SLC25A21: variants seen among roughly 807,000 people sequenced by gnomAD.
SLC25A21 encodes the protein solute carrier family 25 member 21, also known as mitochondrial 2-oxodicarboxylate carrier.
SLC25A21 carries 47 observed loss-of-function variants against 43.8 expected under a neutral mutation model. That is an observed-to-expected ratio of 1.07 (90% CI 0.85 to 1.37). The LOEUF is 1.37. SLC25A21 is among the 40% of genes most tolerant of loss of function. The probability of loss-of-function intolerance (pLI) is 0.00; values close to 1 mark genes in which losing one functional copy is unlikely to be tolerated. For synonymous variants in SLC25A21, 131 were observed against 121.3 expected (o/e 1.08, Z -0.52); for missense variants, 352 against 350.2 (o/e 1.00, Z -0.04).
intron 3 of SLC25A21, among the ~76,000 whole-genome samples, chr14:36,767,754 T>G (rs550672279): frequency 6.6e-6 from 1 of 152,292 alleles, no homozygotes; most frequent in South Asian, 2.1e-4. Context: ...CAGGCTCTAT[T>G]GTAACTAAGC....
At chr14:36,701,291 T>C (rs1029956284) in intron 7 of SLC25A21, among the ~76,000 whole-genome samples, 9 of 152,216 alleles carry the variant, frequency 5.9e-5, no homozygotes, top group African/African-American at 2.2e-4. Flanking sequence ...TCATGCGAGA[T>C]AATTTAGGGA....
intron 1 of SLC25A21, among the ~76,000 whole-genome samples, chr14:37,073,450 C>T (rs1004926625): frequency 6.6e-6 from 1 of 152,152 alleles, no homozygotes; most frequent in Non-Finnish European, 1.5e-5. Flanking sequence ...TGGCTTCAAG[C>T]GATCCTTCCA....
intron 1 of SLC25A21, among the ~76,000 whole-genome samples, chr14:36,887,211 C>CAT (rs3985278): frequency 0.011 from 1,640 of 148,694 alleles, 21 homozygotes; most frequent in East Asian, 0.031. Context: ...TGTGTGTCTA[C>CAT]ATATATATAT....
chr14:36,778,156 A>C lies in SLC25A21; in HGVS notation c.203+35762T>G, dbSNP rs545252974. On this transcript the variant is annotated intron_variant, in intron 3 of 9. Transcript: ENST00000331299. ...AGTGGACTCCCTTCCTTCTTGTCTTAATTGCAGCATACCCAAGCTTCTTCC... is the reference window on the plus strand; with the variant it reads ...AGTGGACTCCCTTCCTTCTTGTCTTCATTGCAGCATACCCAAGCTTCTTCC... Among the ~76,000 whole-genome samples the C allele has an allele frequency of 3.3e-5, 5 of 152,226 alleles. No homozygotes were observed. In the East Asian group the frequency reaches 9.7e-4, roughly 29 times the overall value.
rs746470725 is a variant in SLC25A21 at position 36,684,927 on chromosome 14, T to G, written c.604-2A>C. On this transcript the variant is annotated splice_acceptor_variant, in intron 7 of 9. Transcript: ENST00000331299. LOFTEE classifies it high-confidence loss of function. ...TCTCCAAAACTCCAAGATTGGATCC[T>G]AAAAGAAAAGAAGAATAATATAACA... is the stretch of plus-strand genomic sequence containing the variant. 1 of 1,606,542 alleles carries G rather than the reference T, an allele frequency of 6.2e-7. No homozygotes were observed. Among genetic ancestry groups the G allele is most frequent in the Non-Finnish European group, 8.5e-7 (1 of 1,177,740 alleles).
At chr14:37,128,530 C>T (rs1400910856) in intron 1 of SLC25A21, among the ~76,000 whole-genome samples, 1 of 114,014 alleles carries the variant, frequency 8.8e-6, no homozygotes, top group African/African-American at 4.3e-5. Flanking sequence ...GTCTCTCTCT[C>T]TCTCTCTCTG....
intron 1 of SLC25A21, among the ~76,000 whole-genome samples, chr14:37,157,355 C>T (rs1483396617): frequency 6.6e-6 from 1 of 151,852 alleles, no homozygotes; most frequent in African/African-American, 2.4e-5. Flanking sequence ...GAGCAAGACT[C>T]TGACTCAAAA....
chr14:36,833,389 G>T (rs1210355676), intron 2 of SLC25A21, among the ~76,000 whole-genome samples: 1 of 152,182 alleles, frequency 6.6e-6, no homozygotes, highest in African/African-American at 2.4e-5. Context: ...AAAGGGCCTT[G>T]TTAGAGAGCT....
At chr14:37,051,086 CATT>C (rs1961693762) in intron 1 of SLC25A21, among the ~76,000 whole-genome samples, 2 of 152,156 alleles carry the variant, frequency 1.3e-5, no homozygotes, top group Non-Finnish European at 2.9e-5. Context: ...TAGTTTACAT[CATT>C]AATATCAAAG....
chr14:37,118,672 A>G (rs888931554), intron 1 of SLC25A21, among the ~76,000 whole-genome samples: 15 of 152,310 alleles, frequency 9.8e-5, no homozygotes, highest in African/African-American at 3.4e-4. Context: ...ACATAAAACC[A>G]ACCTTAAATT....
At chr14:36,760,393 C>T (rs1054336153) in intron 3 of SLC25A21, among the ~76,000 whole-genome samples, 1 of 124,158 alleles carries the variant, frequency 8.1e-6, no homozygotes, top group Non-Finnish European at 1.8e-5. Flanking sequence ...GGAAGGAAGG[C>T]AGGCCTCATG....
intron 2 of SLC25A21, among the ~76,000 whole-genome samples, chr14:36,874,328 G>C (rs112592773): frequency 6.6e-6 from 1 of 152,186 alleles, no homozygotes; most frequent in Non-Finnish European, 1.5e-5. Flanking sequence ...TGAAAAAATA[G>C]AAAGTTCAGT....
chr14:36,790,068 C>T (rs1005403450), intron 3 of SLC25A21, among the ~76,000 whole-genome samples: 2 of 148,826 alleles, frequency 1.3e-5, no homozygotes, highest in Non-Finnish European at 3.0e-5. Context: ...TGGTTATGAG[C>T]TTTCAACTTG....
chr14:37,164,122 A>C (rs1270056913), intron 1 of SLC25A21, among the ~76,000 whole-genome samples: 2 of 152,190 alleles, frequency 1.3e-5, no homozygotes, highest in African/African-American at 4.8e-5. Flanking sequence ...CCACATATTA[A>C]GGGTAGTTAC....
chr14:37,127,441 C>T lies in SLC25A21; in HGVS notation c.70+44840G>A, dbSNP rs17106393. On this transcript the variant is annotated intron_variant, in intron 1 of 9. Transcript: ENST00000331299. ...ACTTTAACTTTAATGCTGCACAAAG[C>T]GTTATGAGCACCTTTTCAGTTTTTT... Among the ~76,000 whole-genome samples the T allele has an allele frequency of 0.016, 2,420 of 152,282 alleles. 182 individuals carry two copies. In the East Asian group the frequency reaches 0.26, roughly 16 times the overall value.
At chr14:36,835,497 G>A (rs1463834293) in intron 2 of SLC25A21, among the ~76,000 whole-genome samples, 1 of 152,148 alleles carries the variant, frequency 6.6e-6, no homozygotes, top group African/African-American at 2.4e-5. Flanking sequence ...CCCTGCCTGG[G>A]CTGCAGAAAC....
chr14:36,898,515 A>G (rs1490397830), intron 1 of SLC25A21, among the ~76,000 whole-genome samples: 1 of 151,524 alleles, frequency 6.6e-6, no homozygotes, highest in African/African-American at 2.4e-5. Flanking sequence ...GCTTTGGCTC[A>G]CTCTCAGTGT....
chr14:36,799,854 T>C (rs971710802), intron 3 of SLC25A21, among the ~76,000 whole-genome samples: 1 of 152,200 alleles, frequency 6.6e-6, no homozygotes, highest in Non-Finnish European at 1.5e-5. Flanking sequence ...GTTATTGTTT[T>C]AGTTGCTTAA....
chr14:36,889,754 G>A (rs149716435), intron 1 of SLC25A21, among the ~76,000 whole-genome samples: 166 of 152,094 alleles, frequency 1.1e-3, no homozygotes, highest in South Asian at 5.8e-3. Flanking sequence ...GCCTCCCAAA[G>A]TGCTAGAATT....
Sources: gnomAD v4.1 joint callset for allele counts (sites outside exome capture counted in the v4.1 genomes callset) on GRCh38, gnomAD v4.1.1 for gene constraint, MANE v1.5 for transcripts, NCBI Gene and HGNC (gene_info 2026-07-23, HGNC 2026-07-21) for gene names.